ARHGAP10: variants seen among roughly 807,000 people sequenced by gnomAD.
ARHGAP10 encodes Rho GTPase activating protein 10, also known as rho GTPase-activating protein 10.
Under a neutral mutation model 108.6 loss-of-function variants are expected in ARHGAP10, and 87 were observed. That is an observed-to-expected ratio of 0.80 (90% CI 0.67 to 0.96). ARHGAP10 has a LOEUF of 0.96. Among genes scored for constraint, ARHGAP10 ranks in the 40% least tolerant of loss-of-function variants. The pLI is 0.00. For synonymous variants in ARHGAP10, 347 were observed against 341.1 expected, an observed-to-expected ratio of 1.02 and a Z score of -0.19; for missense variants, 939 against 954.5, an observed-to-expected ratio of 0.98 and a Z score of 0.21.
At chr4:147,903,076 A>C (rs1003734276) in intron 10 of ARHGAP10, among the ~76,000 whole-genome samples, 1 of 152,142 alleles carries the variant, frequency 6.6e-6, no homozygotes, top group African/African-American at 2.4e-5. Context: ...TAAATGCTAC[A>C]TGAGATTTGG....
At chr4:147,901,288 A>C (rs1471114798) in intron 10 of ARHGAP10, among the ~76,000 whole-genome samples, 1 of 152,252 alleles carries the variant, frequency 6.6e-6, no homozygotes, top group Admixed American at 6.5e-5. Context: ...CAGTAAATAG[A>C]AAATGAATAT....
intron 18 of ARHGAP10, among the ~76,000 whole-genome samples, chr4:148,017,682 A>ATATATATATATATGTGTGTG (rs1437383455): frequency 7.4e-6 from 1 of 135,264 alleles, no homozygotes; most frequent in African/African-American, 2.9e-5. Context: ...ATATATATAT[A>ATATATATATATATGTGTGTG]TGTGTGTGTA....
chr4:147,912,587 AT>A (rs1736799569), intron 12 of ARHGAP10, among the ~76,000 whole-genome samples: 4 of 128,068 alleles, frequency 3.1e-5, no homozygotes, highest in Non-Finnish European at 6.2e-5. Flanking sequence ...ATATATATAT[AT>A]ATATATATAT....
chr4:147,988,136 T>C (rs1425993354), intron 18 of ARHGAP10, among the ~76,000 whole-genome samples: 1 of 152,134 alleles, frequency 6.6e-6, no homozygotes, highest in Non-Finnish European at 1.5e-5. Context: ...TGGCTGCTTC[T>C]TAGGCCCAGT....
At chr4:147,999,370 A>G (rs1184435131) in intron 18 of ARHGAP10, among the ~76,000 whole-genome samples, 1 of 152,128 alleles carries the variant, frequency 6.6e-6, no homozygotes, top group East Asian at 1.9e-4. Context: ...CACTCTATTA[A>G]ATCTTGCAAC....
chr4:147,913,843 T>C (rs959999577), intron 13 of ARHGAP10, among the ~76,000 whole-genome samples: 1 of 152,142 alleles, frequency 6.6e-6, no homozygotes, highest in Non-Finnish European at 1.5e-5. Flanking sequence ...TCCATTGTTG[T>C]GTGGGTCCCT....
At chr4:147,750,820 A>T (rs1336085827) in intron 1 of ARHGAP10, among the ~76,000 whole-genome samples, 2 of 151,604 alleles carry the variant, frequency 1.3e-5, no homozygotes, top group Non-Finnish European at 2.9e-5. Flanking sequence ...CCAGGCTGGC[A>T]TCAAACTCCT....
At chr4:147,852,714 T>TCC (rs1733920958) in intron 4 of ARHGAP10, among the ~76,000 whole-genome samples, 1 of 24,996 alleles carries the variant, frequency 4.0e-5, no homozygotes, top group African/African-American at 6.9e-5. Context: ...CTTTTTTTTT[T>TCC]TTTTTTTTTT....
At chr4:147,802,616 T>C (rs1031748789) in intron 1 of ARHGAP10, among the ~76,000 whole-genome samples, 2 of 152,238 alleles carry the variant, frequency 1.3e-5, no homozygotes, top group Non-Finnish European at 2.9e-5. Flanking sequence ...CAGCCTGTTG[T>C]ATTGCAGGTG....
intron 14 of ARHGAP10, 96 bp from the exon 15 acceptor site, chr4:147,946,517 GTGGT>G: frequency 4.8e-6 from 4 of 834,484 alleles, no homozygotes; most frequent in Non-Finnish European, 7.5e-6. Flanking sequence ...CTGCAGGATT[GTGGT>G]TTGCCCATTT....
At chr4:147,801,330 T>C (rs1221063256) in intron 1 of ARHGAP10, among the ~76,000 whole-genome samples, 1 of 152,200 alleles carries the variant, frequency 6.6e-6, no homozygotes, top group African/African-American at 2.4e-5. Flanking sequence ...ACTATTTGTT[T>C]CTTTGTAGCA....
chr4:148,043,653 T>TATATATATA (rs1728741025), intron 19 of ARHGAP10, among the ~76,000 whole-genome samples: 2 of 58,374 alleles, frequency 3.4e-5, no homozygotes, highest in African/African-American at 1.1e-4. Flanking sequence ...ATATATATAT[T>TATATATATA]TTAGGTGTAT....
intron 1 of ARHGAP10, among the ~76,000 whole-genome samples, chr4:147,766,616 G>A (rs1264290377): frequency 7.3e-6 from 1 of 136,888 alleles, no homozygotes; most frequent in East Asian, 2.6e-4. Context: ...ATATGTGTAT[G>A]TATACACATA....
intron 18 of ARHGAP10, among the ~76,000 whole-genome samples, chr4:147,977,093 C>A (rs552693134): frequency 6.6e-6 from 1 of 152,210 alleles, no homozygotes; most frequent in Non-Finnish European, 1.5e-5. Flanking sequence ...TCTGGAGATG[C>A]GGAGCTGCAA....
intron 1 of ARHGAP10, among the ~76,000 whole-genome samples, chr4:147,801,360 C>G (rs569857725): frequency 7.9e-5 from 12 of 152,120 alleles, no homozygotes; most frequent in African/African-American, 2.9e-4. Flanking sequence ...GAAGACTTCT[C>G]TATAAGAAAA....
chr4:147,931,693 A>G (rs1386365280), intron 13 of ARHGAP10, among the ~76,000 whole-genome samples: 1 of 152,226 alleles, frequency 6.6e-6, no homozygotes, highest in Non-Finnish European at 1.5e-5. Flanking sequence ...GAAAATTCCA[A>G]GGCTAGGTGT....
chr4:148,072,065 A>G lies in ARHGAP10; in HGVS notation c.2345A>G (p.Tyr782Cys), dbSNP rs1484743278. ...NGKRGLIPQNYVKLL is the reference protein window; with the variant it reads ...NGKRGLIPQNCVKLL ...AAGAGGGGGCTGATTCCACAGAACTACGTCAAGCTGCTGTAGCTCCTGGCC... is the reference window on the plus strand; with the variant it reads ...AAGAGGGGGCTGATTCCACAGAACTGCGTCAAGCTGCTGTAGCTCCTGGCC... The change falls in exon 23 of 23, where the codon TAC becomes TGC. Residue 782 changes from tyrosine to cysteine, a missense_variant. Tyr to Cys is a radical substitution (Grantham distance 194). Coordinates refer to ENST00000336498, the MANE Select transcript of ARHGAP10 (RefSeq NM_024605.4). 1 of 1,613,038 alleles carries G rather than the reference A, an allele frequency of 6.2e-7. No homozygotes were observed. Among genetic ancestry groups the G allele is most frequent in the Admixed American group, 1.7e-5 (1 of 59,928 alleles).
Position 148,050,853 on chromosome 4 carries a change from A to G in ARHGAP10, c.2027+3802A>G, listed in dbSNP as rs577271163. ...TACCAGCTATACAGTATTAAATATC[A>G]TAGGTTCTAAGTAAATGCTCATTAA... On this transcript the variant is annotated intron_variant, in intron 20 of 22. Transcript: ENST00000336498. 6.6e-5 allele frequency among the ~76,000 whole-genome samples: 10 copies of G among 152,282 alleles called. No individual in the cohort carries two copies. The East Asian group carries it at 1.9e-3, about 29-fold the overall frequency.
chr4:147,848,994 A>G (rs562812218), intron 4 of ARHGAP10, among the ~76,000 whole-genome samples: 11 of 152,198 alleles, frequency 7.2e-5, no homozygotes, highest in Non-Finnish European at 1.5e-4. Flanking sequence ...CTTCAAGTTT[A>G]TAAAGAGTTT....
Sources: allele counts gnomAD v4.1 joint callset (sites outside exome capture counted in the v4.1 genomes callset), GRCh38; gene constraint gnomAD v4.1.1; transcripts MANE v1.5; gene names NCBI Gene and HGNC (gene_info 2026-07-23, HGNC 2026-07-21).